Variants in RGS6 observed in about 807,000 individuals in gnomAD.
RGS6 encodes regulator of G protein signaling 6, also known as regulator of G-protein signaling 6.
A neutral mutation model predicts 78.5 loss-of-function variants in RGS6; 30 were observed. The ratio of observed to expected loss-of-function variants is 0.38; its 90% CI spans 0.29 to 0.52. The LOEUF is 0.52. Among genes scored for constraint, RGS6 ranks in the 20% least tolerant of loss-of-function variants. The probability of loss-of-function intolerance (pLI) is 0.85; values close to 1 mark genes in which losing one functional copy is unlikely to be tolerated. For missense variants in RGS6, 495 were observed against 609.7 expected (o/e 0.81, Z 1.98); for synonymous variants, 206 against 206.0 (o/e 1.00, Z 0.00).
rs202120140 is a variant in RGS6 at position 72,104,484 on chromosome 14, TGAACA to T, written c.84+139617_84+139621del. On this transcript the variant is annotated intron_variant, in intron 2 of 17. Coordinates refer to ENST00000553525, the MANE Select transcript of RGS6 (RefSeq NM_001204424.2). ...TTTATAAAATAAAGGAAATGAAACT[TGAACA>T]GAACAGATTTAAAAATTAAAACTTC... 1.2e-3 allele frequency among the ~76,000 whole-genome samples: 188 copies of T among 152,322 alleles called. 5 individuals carry two copies. The South Asian group carries it at 0.022, about 17-fold the overall frequency.
intron 2 of RGS6, among the ~76,000 whole-genome samples, chr14:71,965,909 C>T (rs965839475): frequency 4.6e-5 from 7 of 151,992 alleles, no homozygotes; most frequent in African/African-American, 1.5e-4. Context: ...GGAATATAGG[C>T]GGCAAGTAGA....
chr14:72,493,105 C>A (rs144134177), intron 12 of RGS6, among the ~76,000 whole-genome samples: 1 of 152,172 alleles, frequency 6.6e-6, no homozygotes, highest in Non-Finnish European at 1.5e-5. Flanking sequence ...CCCATCCACA[C>A]GCCCACTGAG....
intron 15 of RGS6, among the ~76,000 whole-genome samples, chr14:72,532,681 C>G (rs987543352): frequency 5.3e-5 from 8 of 152,192 alleles, no homozygotes; most frequent in African/African-American, 1.9e-4. Context: ...GCAAAACAAC[C>G]TTATTGCTGA....
chr14:71,954,485 CATGAG>C (rs1174634669), intron 1 of RGS6, among the ~76,000 whole-genome samples: 1 of 152,014 alleles, frequency 6.6e-6, no homozygotes, highest in African/African-American at 2.4e-5. Context: ...TTATGGGGTA[CATGAG>C]ATATCTTGAT....
At chr14:72,061,174 C>A (rs2093875495) in intron 2 of RGS6, among the ~76,000 whole-genome samples, 1 of 152,166 alleles carries the variant, frequency 6.6e-6, no homozygotes. Flanking sequence ...CATCCCATTG[C>A]CACAGTGTTT....
At chr14:72,179,370 C>T (rs1458789329) in intron 2 of RGS6, among the ~76,000 whole-genome samples, 1 of 152,152 alleles carries the variant, frequency 6.6e-6, no homozygotes, top group Non-Finnish European at 1.5e-5. Context: ...TCTAGCCGGT[C>T]TCCCTGAGCT....
chr14:71,931,702 T>G (rs1315457458), upstream of RGS6, among the ~76,000 whole-genome samples: 6 of 152,234 alleles, frequency 3.9e-5, no homozygotes, highest in African/African-American at 2.4e-5. Context: ...TATTTCCACC[T>G]GCAGCTTTTT....
At chr14:72,587,874 C>G in the RGS6 span, among the ~76,000 whole-genome samples, 1 of 152,238 alleles carries the variant, frequency 6.6e-6, no homozygotes, top group African/African-American at 2.4e-5. Flanking sequence ...TTCTACTCCA[C>G]TTTGCTTCAC....
At chr14:72,052,979 TTCTTTCTCTC>T (rs1433517277) in intron 2 of RGS6, among the ~76,000 whole-genome samples, 3,338 of 53,316 alleles carry the variant, frequency 0.063, 71 homozygotes, top group East Asian at 0.18. Context: ...CTTTCTTTCT[TTCTTTCTCTC>T]TCTCTCTCTC....
chr14:72,470,987 C>G (rs1184143411), intron 8 of RGS6, among the ~76,000 whole-genome samples: 2 of 152,094 alleles, frequency 1.3e-5, no homozygotes, highest in African/African-American at 4.8e-5. Flanking sequence ...TATAGGCCTC[C>G]TCTCCCCAGC....
chr14:71,877,310 A>G, the RGS6 span, among the ~76,000 whole-genome samples: 1 of 152,220 alleles, frequency 6.6e-6, no homozygotes, highest in Non-Finnish European at 1.5e-5. Flanking sequence ...TTTCAGGTAC[A>G]CCAATCAGAC....
At chr14:72,619,210 G>T in the RGS6 span, 2 of 1,327,350 alleles carry the variant, frequency 1.5e-6, no homozygotes, top group Non-Finnish European at 2.1e-6. Context: ...GGTCTGGCTG[G>T]ATATGTGGGA....
At chr14:72,518,651 AT>A in intron 15 of RGS6, 114 bp downstream of exon 15, 3 of 1,019,522 alleles carry the variant, frequency 2.9e-6, no homozygotes, top group African/African-American at 1.6e-5. Flanking sequence ...AGATTTGGTT[AT>A]TTTTAAGTTC....
At chr14:72,504,921 A>ATTTT (rs34953560) in intron 13 of RGS6, among the ~76,000 whole-genome samples, 34 of 76,074 alleles carry the variant, frequency 4.5e-4, no homozygotes, top group African/African-American at 8.7e-4. Flanking sequence ...CGCCCAGCTA[A>ATTTT]TTTTTTTTTT....
intron 2 of RGS6, among the ~76,000 whole-genome samples, chr14:72,057,975 A>G (rs575987930): frequency 2.0e-5 from 3 of 152,230 alleles, no homozygotes; most frequent in Non-Finnish European, 4.4e-5. Context: ...TCTGCATGCA[A>G]GAATGACATA....
chr14:72,501,248 G>A (rs917228741), intron 13 of RGS6, among the ~76,000 whole-genome samples: 2 of 152,164 alleles, frequency 1.3e-5, no homozygotes, highest in Non-Finnish European at 2.9e-5. Flanking sequence ...ACAGCCAAAT[G>A]GAGGATGGCC....
chr14:72,216,389 C>G (rs1263678527), intron 2 of RGS6, among the ~76,000 whole-genome samples: 1 of 152,192 alleles, frequency 6.6e-6, no homozygotes, highest in Admixed American at 6.5e-5. Context: ...GCCATTTATC[C>G]TAGCTCCAAT....
intron 3 of RGS6, among the ~76,000 whole-genome samples, chr14:72,434,931 T>C (rs1226126661): frequency 6.6e-6 from 1 of 152,234 alleles, no homozygotes; most frequent in Non-Finnish European, 1.5e-5. Context: ...CATAGATTCT[T>C]AGTAGCTTTG....
intron 2 of RGS6, among the ~76,000 whole-genome samples, chr14:72,230,556 A>G (rs1159131195): frequency 2.0e-5 from 3 of 152,164 alleles, no homozygotes; most frequent in African/African-American, 7.2e-5. Context: ...CCAGAGACAC[A>G]GTAGGATGGA....
Sources: gnomAD v4.1 joint callset for allele counts (sites outside exome capture counted in the v4.1 genomes callset) on GRCh38, gnomAD v4.1.1 for gene constraint, MANE v1.5 for transcripts, NCBI Gene and HGNC (gene_info 2026-07-23, HGNC 2026-07-21) for gene names.